SLC25A21: variants seen among roughly 807,000 people sequenced by gnomAD.
SLC25A21 encodes solute carrier family 25 member 21, also known as mitochondrial 2-oxodicarboxylate carrier.
Under a neutral mutation model 43.8 loss-of-function variants are expected in SLC25A21, and 47 were observed. The ratio of observed to expected loss-of-function variants is 1.07; its 90% CI spans 0.85 to 1.37. The LOEUF is 1.37. SLC25A21 is among the 40% of genes most tolerant of loss of function. The pLI is 0.00. For synonymous variants in SLC25A21, 131 were observed against 121.3 expected (o/e 1.08, Z -0.52); for missense variants, 352 against 350.2 (o/e 1.00, Z -0.04).
intron 1 of SLC25A21, chr14:37,171,843 A>C: frequency 5.9e-6 from 1 of 170,276 alleles, no homozygotes. Context: ...GGAGTCCTGT[A>C]AGTACTTTGA....
intron 1 of SLC25A21, among the ~76,000 whole-genome samples, chr14:37,076,607 GTC>G (rs1245726941): frequency 6.6e-6 from 1 of 152,176 alleles, no homozygotes; most frequent in Non-Finnish European, 1.5e-5. Flanking sequence ...TCCTGCCTCA[GTC>G]TCCTAAGTAG....
intron 1 of SLC25A21, among the ~76,000 whole-genome samples, chr14:36,959,553 A>G (rs953866236): frequency 2.0e-5 from 3 of 152,158 alleles, no homozygotes; most frequent in African/African-American, 7.2e-5. Context: ...CACAAAGCCA[A>G]AGAAATGGGG....
chr14:37,073,268 C>T (rs1448309313), intron 1 of SLC25A21, among the ~76,000 whole-genome samples: 1 of 152,234 alleles, frequency 6.6e-6, no homozygotes, highest in East Asian at 1.9e-4. Flanking sequence ...TTTAATCCTT[C>T]CTTAGTCACT....
intron 9 of SLC25A21, 131 bp from the exon 10 acceptor site, chr14:36,680,850 A>C: frequency 1.7e-6 from 1 of 594,172 alleles, no homozygotes; most frequent in Non-Finnish European, 2.8e-6. Flanking sequence ...ACAGTTCTGG[A>C]GCTTCAATAC....
At chr14:36,880,117 C>T (rs1397211215) in intron 1 of SLC25A21, among the ~76,000 whole-genome samples, 1 of 152,116 alleles carries the variant, frequency 6.6e-6, no homozygotes, top group Non-Finnish European at 1.5e-5. Flanking sequence ...TGCTGCTCAG[C>T]ATCACAATGT....
intron 1 of SLC25A21, among the ~76,000 whole-genome samples, chr14:37,163,775 G>C (rs1963988522): frequency 6.6e-6 from 1 of 152,112 alleles, no homozygotes; most frequent in Admixed American, 6.6e-5. Flanking sequence ...TTTGATAGCA[G>C]AGTAGAATGA....
chr14:37,165,719 G>A (rs913550983), intron 1 of SLC25A21, among the ~76,000 whole-genome samples: 4 of 152,158 alleles, frequency 2.6e-5, no homozygotes, highest in African/African-American at 9.7e-5. Flanking sequence ...ACCCTGGGAG[G>A]TTCTGAGGTT....
intron 1 of SLC25A21, among the ~76,000 whole-genome samples, chr14:37,051,512 CT>C (rs1334095527): frequency 6.6e-6 from 1 of 152,206 alleles, no homozygotes; most frequent in Non-Finnish European, 1.5e-5. Context: ...GTGACCTATT[CT>C]TACCTATTCA....
intron 1 of SLC25A21, among the ~76,000 whole-genome samples, chr14:37,003,891 T>C (rs1472292202): frequency 6.6e-6 from 1 of 152,210 alleles, no homozygotes; most frequent in Non-Finnish European, 1.5e-5. Flanking sequence ...TGTATGTTAT[T>C]CTTCAATAAA....
chr14:36,794,769 A>G (rs1350008415), intron 3 of SLC25A21, among the ~76,000 whole-genome samples: 1 of 143,204 alleles, frequency 7.0e-6, no homozygotes, highest in Non-Finnish European at 1.6e-5. Flanking sequence ...ACTCCATTTA[A>G]AAAAAAAAAA....
chr14:36,945,998 T>C (rs1335052833), intron 1 of SLC25A21, among the ~76,000 whole-genome samples: 1 of 152,174 alleles, frequency 6.6e-6, no homozygotes, highest in African/African-American at 2.4e-5. Flanking sequence ...GCTAGCAACA[T>C]AACCTCTAGC....
intron 7 of SLC25A21, among the ~76,000 whole-genome samples, chr14:36,707,528 T>G (rs985521764): frequency 6.6e-6 from 1 of 152,196 alleles, no homozygotes; most frequent in Non-Finnish European, 1.5e-5. Context: ...GGGTCCTGAT[T>G]AATAAATGAA....
chr14:36,753,109 T>A (rs1173130704), intron 3 of SLC25A21, among the ~76,000 whole-genome samples: 1 of 152,142 alleles, frequency 6.6e-6, no homozygotes, highest in Non-Finnish European at 1.5e-5. Context: ...GTTCAGAGTT[T>A]CAGTTTGGGA....
intron 2 of SLC25A21, among the ~76,000 whole-genome samples, chr14:36,849,461 C>A (rs553783190): frequency 2.0e-5 from 3 of 152,180 alleles, no homozygotes; most frequent in Non-Finnish European, 4.4e-5. Context: ...CAAAAACTAT[C>A]ACTACTAGTC....
At chr14:36,748,751 T>C (rs1213869479) in intron 3 of SLC25A21, among the ~76,000 whole-genome samples, 1 of 152,190 alleles carries the variant, frequency 6.6e-6, no homozygotes, top group Admixed American at 6.5e-5. Flanking sequence ...CATATGCTGA[T>C]AACTGTCATA....
intron 3 of SLC25A21, among the ~76,000 whole-genome samples, chr14:36,793,068 C>G (rs1310676917): frequency 6.6e-6 from 1 of 152,062 alleles, no homozygotes; most frequent in African/African-American, 2.4e-5. Flanking sequence ...ATTATTTTTC[C>G]TAATCTGAGT....
chr14:36,777,165 G>A (rs1983990), intron 3 of SLC25A21, among the ~76,000 whole-genome samples: 26,126 of 152,184 alleles, frequency 0.17, 2,730 homozygotes, highest in East Asian at 0.39. Context: ...GGCTGAGGCA[G>A]GAGAATCGCT....
rs1016865717 is a variant in SLC25A21 at position 36,839,130 on chromosome 14, T to C, written c.120-25129A>G. Among the ~76,000 whole-genome samples, 5 of 152,250 alleles carry C rather than the reference T, an allele frequency of 3.3e-5. No individual in the cohort carries two copies. The South Asian group carries it at 6.2e-4, about 19-fold the overall frequency. The stretch of plus-strand genomic sequence containing the variant: ...TTACAATTATTTACCATTTTCCATA[T>C]GAAGGTTATTAAAATGTAATTAAAG... On this transcript the variant is annotated intron_variant, in intron 2 of 9. Transcript: ENST00000331299.
chr14:36,987,555 A>T (rs72667344), intron 1 of SLC25A21, among the ~76,000 whole-genome samples: 13,326 of 152,116 alleles, frequency 0.088, 659 homozygotes, highest in African/African-American at 0.13. Context: ...GTTCTGTATC[A>T]TTTTTTCACA....
Sources: gnomAD v4.1 joint callset for allele counts (sites outside exome capture counted in the v4.1 genomes callset) on GRCh38, gnomAD v4.1.1 for gene constraint, MANE v1.5 for transcripts, NCBI Gene and HGNC (gene_info 2026-07-23, HGNC 2026-07-21) for gene names.